Variants in PCDHA8 observed in about 807,000 individuals in gnomAD.
PCDHA8 encodes the protein protocadherin alpha-8.
In PCDHA8, 53 loss-of-function variants were observed where a neutral mutation model predicts 61.8. The observed-to-expected ratio is 0.86, with a 90% CI of 0.69 to 1.08. The LOEUF (loss-of-function observed/expected upper bound fraction) is 1.08, where lower values mean the gene tolerates loss of function less well. PCDHA8 is among the 50% of genes least tolerant of loss of function. The pLI is 0.00. For synonymous variants in PCDHA8, 618 were observed against 556.6 expected (o/e 1.11, Z -1.55); for missense variants, 1,293 against 1,245.0 (o/e 1.04, Z -0.58).
intron 1 of PCDHA8, among the ~76,000 whole-genome samples, chr5:140,936,151 C>G (rs947807537): frequency 6.6e-6 from 1 of 152,128 alleles, no homozygotes; most frequent in Non-Finnish European, 1.5e-5. Context: ...CCTTGGCCTC[C>G]TAAAGTGCTG....
intron 1 of PCDHA8, chr5:140,969,102 T>C: frequency 1.2e-6 from 2 of 1,614,114 alleles, no homozygotes; most frequent in African/African-American, 1.3e-5. Flanking sequence ...CCTCACTTCA[T>C]TGAAGTTCGA....
At chr5:140,868,281 T>G (rs2050378347) in intron 1 of PCDHA8, 1 of 152,066 alleles carries the variant, frequency 6.6e-6, no homozygotes, top group Non-Finnish European at 1.5e-5. Flanking sequence ...AACTACCAAG[T>G]TTGAGAATAT....
intron 1 of PCDHA8, among the ~76,000 whole-genome samples, chr5:140,902,795 A>G (rs555172255): frequency 6.8e-4 from 103 of 151,862 alleles, no homozygotes; most frequent in African/African-American, 2.3e-3. Context: ...TCTCACTTGT[A>G]TGTGAGAATA....
At chr5:140,875,465 T>C (rs1466604223) in intron 1 of PCDHA8, 9 of 1,599,572 alleles carry the variant, frequency 5.6e-6, no homozygotes, top group African/African-American at 1.3e-5. Context: ...AGGCCCTCAT[T>C]TTCTGCAATG....
intron 1 of PCDHA8, among the ~76,000 whole-genome samples, chr5:140,942,616 T>C (rs2093340049): frequency 1.0e-5 from 1 of 99,878 alleles, no homozygotes. Context: ...TATTTGCCAA[T>C]TGTAAAAAAA....
At chr5:140,887,263 A>AT (rs1336620900) in intron 1 of PCDHA8, among the ~76,000 whole-genome samples, 1 of 151,790 alleles carries the variant, frequency 6.6e-6, no homozygotes, top group Non-Finnish European at 1.5e-5. Flanking sequence ...CGCCCTGCTA[A>AT]TTTTTTGTAT....
Position 140,968,026 on chromosome 5 carries a change from A to G in PCDHA8, c.2395-10923A>G, listed in dbSNP as rs570318168. 9.3e-6 allele frequency: 15 copies of G among 1,614,066 alleles called. No individual in the cohort carries two copies. In the Admixed American group the frequency reaches 1.8e-4, roughly 20 times the overall value. On this transcript the variant is annotated intron_variant, in intron 1 of 3. Transcript: ENST00000531613. ...TGAATGGCTTTGGAAACTCCTATACACTGGTGGTGAGCGGCCCACTGGACC... is the reference window on the plus strand; with the variant it reads ...TGAATGGCTTTGGAAACTCCTATACGCTGGTGGTGAGCGGCCCACTGGACC...
intron 1 of PCDHA8, chr5:140,967,546 C>T (rs199955615): frequency 6.8e-6 from 11 of 1,613,824 alleles, no homozygotes; most frequent in Non-Finnish European, 8.5e-6. Context: ...TTGACCAGTC[C>T]ACTTATCGCG....
chr5:140,949,050 T>C lies in PCDHA8; in HGVS notation c.2395-29899T>C, dbSNP rs561017467. 5.3e-5 allele frequency among the ~76,000 whole-genome samples: 8 copies of C among 151,896 alleles called. No homozygotes were observed. The East Asian group carries it at 1.5e-3, about 29-fold the overall frequency. On this transcript the variant is annotated intron_variant, in intron 1 of 3. Coordinates refer to ENST00000531613, the MANE Select transcript of PCDHA8 (RefSeq NM_018911.3). ...TATTCATTTAAAAGTATGTTCTAAT[T>C]TCCATTATGATTTAACTCTTTCACC...
chr5:140,882,958 C>T (rs1582656438), intron 1 of PCDHA8: 1 of 1,614,040 alleles, frequency 6.2e-7, no homozygotes, highest in Non-Finnish European at 8.5e-7. Flanking sequence ...AGCTGCTCAT[C>T]ACGATTCTGG....
chr5:140,856,168 C>A, intron 1 of PCDHA8: 1 of 1,598,314 alleles, frequency 6.3e-7, no homozygotes, highest in Non-Finnish European at 8.6e-7. Context: ...AGGCCAGACA[C>A]GGCACCTTCG....
intron 1 of PCDHA8, among the ~76,000 whole-genome samples, chr5:140,914,715 T>A (rs1554196547): frequency 6.6e-6 from 1 of 152,162 alleles, no homozygotes; most frequent in Non-Finnish European, 1.5e-5. Flanking sequence ...TTCTTGTTTT[T>A]TATTTTTTGT....
At chr5:140,861,501 C>A in intron 1 of PCDHA8, 1 of 480,612 alleles carries the variant, frequency 2.1e-6, no homozygotes, top group South Asian at 1.6e-5. Flanking sequence ...TCTGATAGAC[C>A]TCGAGGAGCT....
At position 141,011,472 on chromosome 5, in the gene PCDHA8, C is replaced by T. The variant is rs1347341869; in HGVS notation, c.*1535C>T. 40 of 153,652 alleles carry T rather than the reference C, an allele frequency of 2.6e-4. No individual in the cohort carries two copies. The highest frequency in any genetic ancestry group is 9.4e-4 in the African/African-American group (39 of 41,410). 9.5% of individuals were successfully genotyped at this position (153,652 alleles called of 1,614,324 possible). On this transcript the variant is annotated 3_prime_UTR_variant, in exon 4 of 4. Transcript: ENST00000531613. Reference sequence around the variant, plus strand: ...TAAGCTTTATTGTTGAATGTAATTCCATTATATTTCCTTTTGTACACCTGT... The same window carrying T: ...TAAGCTTTATTGTTGAATGTAATTCTATTATATTTCCTTTTGTACACCTGT...
intron 3 of PCDHA8, among the ~76,000 whole-genome samples, chr5:140,996,816 A>G (rs1587722851): frequency 6.6e-6 from 1 of 152,264 alleles, no homozygotes; most frequent in Non-Finnish European, 1.5e-5. Flanking sequence ...TTCCAAAAGT[A>G]ACCACTACCA....
At chr5:140,923,045 T>C (rs1554201134) in intron 1 of PCDHA8, among the ~76,000 whole-genome samples, 1 of 152,226 alleles carries the variant, frequency 6.6e-6, no homozygotes, top group Non-Finnish European at 1.5e-5. Context: ...ATGTATAGTA[T>C]TTAGAATAAA....
chr5:140,870,693 A>C, intron 1 of PCDHA8: 1 of 1,612,950 alleles, frequency 6.2e-7, no homozygotes, highest in Non-Finnish European at 8.5e-7. Context: ...TGGAGCTGCT[A>C]CAGTTCCAGG....
intron 1 of PCDHA8, among the ~76,000 whole-genome samples, chr5:140,945,480 C>A (rs2093795468): frequency 6.6e-6 from 1 of 151,728 alleles, no homozygotes; most frequent in South Asian, 2.1e-4. Context: ...CACAAAACAC[C>A]CCAAATACCC....
intron 1 of PCDHA8, chr5:140,884,080 T>C (rs2059984285): frequency 6.2e-7 from 1 of 1,613,538 alleles, no homozygotes; most frequent in Non-Finnish European, 8.5e-7. Flanking sequence ...CGGGCTACAA[T>C]GCGTGGCTTT....
Sources: allele counts gnomAD v4.1 joint callset (sites outside exome capture counted in the v4.1 genomes callset), GRCh38; gene constraint gnomAD v4.1.1; transcripts MANE v1.5; gene names NCBI Gene and HGNC (gene_info 2026-07-23, HGNC 2026-07-21).